SNTG1: variants seen among roughly 807,000 people sequenced by gnomAD.
SNTG1 encodes the protein syntrophin gamma 1, also known as gamma-1-syntrophin.
SNTG1 carries 39 observed loss-of-function variants against 74.7 expected under a neutral mutation model. The ratio of observed to expected loss-of-function variants is 0.52; its 90% confidence interval spans 0.40 to 0.68. The LOEUF (loss-of-function observed/expected upper bound fraction) is 0.68. SNTG1 is among the 30% of genes least tolerant of loss of function. The pLI, the probability that SNTG1 is intolerant of heterozygous loss-of-function variation, is 0.00. For missense variants in SNTG1, 685 were observed against 609.5 expected, an observed-to-expected ratio of 1.12 and a Z score of -1.30; for synonymous variants, 254 against 217.1, an observed-to-expected ratio of 1.17 and a Z score of -1.49.
intron 8 of SNTG1, among the ~76,000 whole-genome samples, chr8:50,481,154 G>A (rs530184838): frequency 5.9e-5 from 9 of 152,252 alleles, no homozygotes; most frequent in African/African-American, 1.7e-4. Context: ...AAGCCGAGGC[G>A]GGTGGATCAT....
chr8:50,732,472 T>C (rs1025243562), intron 17 of SNTG1, among the ~76,000 whole-genome samples: 12 of 151,960 alleles, frequency 7.9e-5, no homozygotes, highest in African/African-American at 2.7e-4. Flanking sequence ...CTTGCATTTT[T>C]CCGTATATCT....
intron 18 of SNTG1, among the ~76,000 whole-genome samples, chr8:50,772,142 A>G (rs1209987811): frequency 2.6e-5 from 4 of 152,052 alleles, no homozygotes; most frequent in African/African-American, 9.7e-5. Context: ...AGACCTCTGA[A>G]TTATAGAGCC....
chr8:50,760,772 G>A (rs907375824), intron 18 of SNTG1, among the ~76,000 whole-genome samples: 2 of 151,998 alleles, frequency 1.3e-5, no homozygotes, highest in African/African-American at 4.8e-5. Flanking sequence ...AGAAAATCGA[G>A]AAGAGATGGA....
At chr8:50,713,555 T>C (rs1325076059) in intron 17 of SNTG1, among the ~76,000 whole-genome samples, 1 of 152,202 alleles carries the variant, frequency 6.6e-6, no homozygotes, top group Admixed American at 6.5e-5. Context: ...GCTTTTGGTG[T>C]TTTAGTCATG....
At chr8:50,231,762 TAGAA>T (rs2085640818) in intron 2 of SNTG1, among the ~76,000 whole-genome samples, 1 of 151,282 alleles carries the variant, frequency 6.6e-6, no homozygotes, top group African/African-American at 2.4e-5. Context: ...AAGCCTCAGT[TAGAA>T]GGAATACATT....
chr8:50,001,941 G>C (rs1169378804), intron 1 of SNTG1, among the ~76,000 whole-genome samples: 2 of 152,170 alleles, frequency 1.3e-5, no homozygotes, highest in African/African-American at 4.8e-5. Context: ...GAAAGTGCTT[G>C]TGGAAGGTGA....
In SNTG1 at chr8:50,007,710, C is replaced by G. The variant is rs868261303; in HGVS notation, c.-103+95479C>G. Reference sequence around the variant, plus strand: ...GTGAGCTAAGAGGGTGGGGAGATTTCTTTGAAGAGAGTTGCAGCTTTCTTG... The same window carrying G: ...GTGAGCTAAGAGGGTGGGGAGATTTGTTTGAAGAGAGTTGCAGCTTTCTTG... On this transcript the variant is annotated intron_variant, in intron 1 of 18. Transcript: ENST00000642720. 3.4e-4 allele frequency among the ~76,000 whole-genome samples: 52 copies of G among 152,130 alleles called. 2 individuals carry two copies. The highest frequency in any genetic ancestry group is 1.1e-3 in the Admixed American group (17 of 15,278).
At chr8:49,959,605 T>C (rs1482545734) in intron 1 of SNTG1, among the ~76,000 whole-genome samples, 1 of 152,264 alleles carries the variant, frequency 6.6e-6, no homozygotes, top group African/African-American at 2.4e-5. Flanking sequence ...TCCATCCATG[T>C]TGTGTAGCAC....
At chr8:50,158,389 A>G (rs2082316167) in intron 1 of SNTG1, among the ~76,000 whole-genome samples, 1 of 152,180 alleles carries the variant, frequency 6.6e-6, no homozygotes, top group Admixed American at 6.6e-5. Context: ...TTTTAAGTAT[A>G]GGAAGATGAC....
intron 1 of SNTG1, among the ~76,000 whole-genome samples, chr8:50,040,483 T>C (rs1002609714): frequency 2.0e-5 from 3 of 152,190 alleles, no homozygotes; most frequent in African/African-American, 7.2e-5. Flanking sequence ...ACTTGGAATG[T>C]GTGCAAACTA....
At chr8:49,967,925 A>G (rs187998093) in intron 1 of SNTG1, among the ~76,000 whole-genome samples, 38 of 152,272 alleles carry the variant, frequency 2.5e-4, no homozygotes, top group African/African-American at 8.4e-4. Context: ...CCCTGTCCCC[A>G]GGACTGTGCA....
At chr8:49,939,308 A>AT (rs1808465027) in intron 1 of SNTG1, among the ~76,000 whole-genome samples, 1 of 152,104 alleles carries the variant, frequency 6.6e-6, no homozygotes, top group Non-Finnish European at 1.5e-5. Context: ...AATCTCTTTA[A>AT]TTTTCTTTCA....
chr8:49,960,706 A>T (rs1428785164), intron 1 of SNTG1, among the ~76,000 whole-genome samples: 1 of 152,140 alleles, frequency 6.6e-6, no homozygotes, highest in South Asian at 2.1e-4. Context: ...CAAGGTCATC[A>T]TGAGGAAAGA....
At chr8:50,781,170 T>G (rs2131831178) in intron 18 of SNTG1, among the ~76,000 whole-genome samples, 1 of 151,874 alleles carries the variant, frequency 6.6e-6, no homozygotes, top group African/African-American at 2.4e-5. Flanking sequence ...CTGAAAAAAA[T>G]GTATATTCTG....
intron 1 of SNTG1, among the ~76,000 whole-genome samples, chr8:50,093,392 A>G (rs970334378): frequency 8.5e-5 from 13 of 152,140 alleles, no homozygotes; most frequent in African/African-American, 3.1e-4. Context: ...ACCTAATATT[A>G]TAATATATTT....
At chr8:50,515,682 G>T (rs1399369249) in intron 9 of SNTG1, among the ~76,000 whole-genome samples, 5 of 152,076 alleles carry the variant, frequency 3.3e-5, no homozygotes, top group Non-Finnish European at 5.9e-5. Context: ...AAACAAAGTT[G>T]CTGGGAACTT....
intron 1 of SNTG1, among the ~76,000 whole-genome samples, chr8:50,024,247 T>C (rs1053580730): frequency 1.3e-5 from 2 of 152,152 alleles, no homozygotes; most frequent in African/African-American, 2.4e-5. Context: ...ACCATACACA[T>C]TGACCTGTCC....
intron 1 of SNTG1, among the ~76,000 whole-genome samples, chr8:50,033,206 C>A (rs1298476577): frequency 6.6e-6 from 1 of 151,910 alleles, no homozygotes; most frequent in Non-Finnish European, 1.5e-5. Flanking sequence ...TCACCACAAC[C>A]TCTGCCTCCT....
chr8:50,786,608 G>A (rs950602692), intron 18 of SNTG1, among the ~76,000 whole-genome samples: 2 of 151,742 alleles, frequency 1.3e-5, no homozygotes, highest in Admixed American at 6.6e-5. Flanking sequence ...ACAAAGCTAT[G>A]GTCACCATGG....
Sources: gnomAD v4.1 joint callset for allele counts (sites outside exome capture counted in the v4.1 genomes callset) on GRCh38, gnomAD v4.1.1 for gene constraint, MANE v1.5 for transcripts, NCBI Gene and HGNC (gene_info 2026-07-23, HGNC 2026-07-21) for gene names.